The following FNDC11 variants were observed in gnomAD, a reference collection of about 807,000 sequenced individuals.
FNDC11 encodes the protein fibronectin type III domain-containing protein 11.
FNDC11 carries 15 observed loss-of-function variants against 15.8 expected under a neutral mutation model. That is an observed-to-expected ratio of 0.95 (90% CI 0.63 to 1.46). The LOEUF is 1.46. Among genes scored for constraint, FNDC11 ranks in the 40% most tolerant of loss-of-function variants. FNDC11 has a pLI of 0.00. For synonymous variants in FNDC11, 190 were observed against 203.1 expected, an observed-to-expected ratio of 0.94 and a Z score of 0.55; for missense variants, 416 against 443.4, an observed-to-expected ratio of 0.94 and a Z score of 0.55.
upstream of FNDC11, among the ~76,000 whole-genome samples, chr20:63,553,421 G>A (rs1484431381): frequency 6.7e-6 from 1 of 149,614 alleles, no homozygotes; most frequent in African/African-American, 2.5e-5. Context: ...GGAGCCCGCG[G>A]TGGGAGGAGC....
Position 63,556,378 on chromosome 20 carries a change from C to A in FNDC11, c.715C>A (p.Gln239Lys). 1 of 1,612,688 alleles carries A rather than the reference C, an allele frequency of 6.2e-7. No homozygotes were observed. The highest frequency in any genetic ancestry group is 8.5e-7 in the Non-Finnish European group (1 of 1,180,014). Residue 239 changes from glutamine (Q) to lysine (K), a missense_variant, in exon 2 of 2, where the codon CAG (glutamine) becomes AAG (lysine). Coordinates refer to ENST00000370097, the MANE Select transcript of FNDC11 (RefSeq NM_001319152.2). Reference sequence around the variant, plus strand: ...CACCATCCAGCCAGCCACATCGGAGCAGTATGAGTTGCGCTTCAGGCTGCT... The same window carrying A: ...CACCATCCAGCCAGCCACATCGGAGAAGTATGAGTTGCGCTTCAGGCTGCT... The part of the protein sequence containing the change: ...FVTIQPATSE[Q>K]YELRFRLLDP...
Position 63,555,656 on chromosome 20 carries a change from C to T in FNDC11, c.-8C>T. The T allele has an allele frequency of 6.3e-7, 1 of 1,595,958 alleles. No individual in the cohort carries two copies. Among genetic ancestry groups the T allele is most frequent in the Non-Finnish European group, 8.6e-7 (1 of 1,168,484 alleles). ...CTGACACCCAGCCCTCCCCCCAGCTCCCGGATAATGAGCACCCATGTGGCA... is the reference window on the plus strand; with the variant it reads ...CTGACACCCAGCCCTCCCCCCAGCTTCCGGATAATGAGCACCCATGTGGCA... On this transcript the variant is annotated splice_region_variant and 5_prime_UTR_variant, in exon 2 of 2. Coordinates refer to ENST00000370097, the MANE Select transcript of FNDC11 (RefSeq NM_001319152.2).
chr20:63,556,363 C>A lies in FNDC11; in HGVS notation c.700C>A (p.Pro234Thr), dbSNP rs764000041. 13 of 1,612,206 alleles carry A rather than the reference C, an allele frequency of 8.1e-6. No homozygotes were observed. The South Asian group carries it at 1.4e-4, about 18-fold the overall frequency. The change falls in exon 2 of 2, where the codon CCA becomes ACA. Residue 234 changes from proline to threonine, a missense_variant. Transcript: ENST00000370097. Reference sequence around the variant, plus strand: ...GCTGCGCTGGTTCGTCACCATCCAGCCAGCCACATCGGAGCAGTATGAGTT... The same window carrying A: ...GCTGCGCTGGTTCGTCACCATCCAGACAGCCACATCGGAGCAGTATGAGTT... Reference protein sequence around the residue: ...ARLRWFVTIQPATSEQYELRF... With the variant: ...ARLRWFVTIQTATSEQYELRF...
In FNDC11 at chr20:63,556,660, T is replaced by A. The variant is rs766699626; in HGVS notation, c.*40T>A. 9.2e-5 allele frequency: 141 copies of A among 1,536,678 alleles called. 2 individuals carry two copies. Among genetic ancestry groups the A allele is most frequent in the Non-Finnish European group, 8.9e-6 (10 of 1,123,372 alleles). ...ATATTTATCCACTAATAAAGAAGAG[T>A]GTAAATGCACATATGGAATTAAAGA... On this transcript the variant is annotated 3_prime_UTR_variant, in exon 2 of 2. Coordinates refer to ENST00000370097, the MANE Select transcript of FNDC11 (RefSeq NM_001319152.2).
At chr20:63,554,131 C>T (rs896613476), upstream of FNDC11, 3 of 152,356 alleles carry the variant, frequency 2.0e-5, no homozygotes, top group African/African-American at 7.2e-5. Context: ...GGCCGCTGGT[C>T]CCCAGGGCAA....
chr20:63,555,466 G>A (rs2145995106), intron 1 of FNDC11, 188 bp from the exon 2 acceptor site: 1 of 937,342 alleles, frequency 1.1e-6, no homozygotes, highest in Non-Finnish European at 1.5e-6. Flanking sequence ...TTGCCCCTCA[G>A]TATAAACTGT....
At chr20:63,553,817 G>A (rs1487655049), upstream of FNDC11, 1 of 152,386 alleles carries the variant, frequency 6.6e-6, no homozygotes, top group African/African-American at 2.4e-5. Context: ...TCCTCCGAGG[G>A]ATTCCCGAGG....
In FNDC11 at chr20:63,555,690, CCTGGA is replaced by C; in HGVS notation, c.29_33del (p.Leu10GlnfsTer18). 1 of 1,611,196 alleles carries C rather than the reference CCTGGA, an allele frequency of 6.2e-7. No individual in the cohort carries two copies. The highest frequency in any genetic ancestry group is 8.5e-7 in the Non-Finnish European group (1 of 1,179,182). On this transcript the variant is annotated frameshift_variant, in exon 2 of 2. Transcript: ENST00000370097. LOFTEE classifies it high-confidence loss of function. ...TGAGCACCCATGTGGCAGGCCTGGG[CCTGGA>C]CAAGATGAAGCTGGGCAATCCCCAG...
intron 1 of FNDC11, chr20:63,555,453 T>C: frequency 1.3e-6 from 1 of 776,552 alleles, no homozygotes; most frequent in South Asian, 2.1e-5. Flanking sequence ...TCAGTAGAGG[T>C]TTTTGCCCCT....
chr20:63,555,560 G>A, intron 1 of FNDC11, 94 bp from the exon 2 acceptor site: 3 of 1,457,120 alleles, frequency 2.1e-6, no homozygotes, highest in South Asian at 2.9e-5. Flanking sequence ...CAGAGGTCCA[G>A]CATGGGGTCA....
upstream of FNDC11, among the ~76,000 whole-genome samples, chr20:63,553,406 T>G (rs1313644296): frequency 1.5e-5 from 2 of 136,620 alleles, no homozygotes; most frequent in Non-Finnish European, 3.2e-5. Context: ...GGGGCCGTGG[T>G]GGGGGGAGCC....
intron 1 of FNDC11, 135 bp from the exon 2 acceptor site, chr20:63,555,519 C>T: frequency 7.2e-7 from 1 of 1,383,632 alleles, no homozygotes; most frequent in Non-Finnish European, 9.5e-7. Flanking sequence ...CAGGCAGCCT[C>T]TTCCCATCGA....
chr20:63,553,872 A>C (rs2082782578), upstream of FNDC11: 1 of 151,938 alleles, frequency 6.6e-6, no homozygotes, highest in Admixed American at 6.6e-5. Context: ...CCTCCCAGTC[A>C]CCCGAGGCTC....
In FNDC11 at chr20:63,556,479, C is replaced by A. The variant is rs765061849; in HGVS notation, c.816C>A (p.Asn272Lys). 6 of 1,613,566 alleles carry A rather than the reference C, an allele frequency of 3.7e-6. No individual in the cohort carries two copies. The Admixed American group carries it at 8.3e-5, about 22-fold the overall frequency. The change falls in exon 2 of 2, where the codon AAC (asparagine) becomes AAA (lysine). Residue 272 changes from asparagine (N) to lysine (K), a missense_variant. By Grantham distance (94) the Asn-to-Lys change is moderately conservative. Coordinates refer to ENST00000370097, the MANE Select transcript of FNDC11 (RefSeq NM_001319152.2). ...CTGCCTGCACCTTCGACGTCCGAAA[C>A]CTGCTGCCCAACCGATCCTATAAGT... ...PVAACTFDVR[N>K]LLPNRSYKFT...
At chr20:63,555,523 C>A in intron 1 of FNDC11, 131 bp from the exon 2 acceptor site, 1 of 1,393,346 alleles carries the variant, frequency 7.2e-7, no homozygotes, top group Non-Finnish European at 9.5e-7. Flanking sequence ...CAGCCTCTTC[C>A]CATCGAGTTG....
At chr20:63,554,692 G>C (rs1344466967) in intron 1 of FNDC11, 1 of 152,272 alleles carries the variant, frequency 6.6e-6, no homozygotes, top group South Asian at 2.1e-4. Context: ...TCTGCCTCAC[G>C]CCCAAAAGGG....
At chr20:63,553,950 A>ACCC (rs1402155229), upstream of FNDC11, 1 of 151,434 alleles carries the variant, frequency 6.6e-6, no homozygotes, top group Non-Finnish European at 1.5e-5. Context: ...CGGGACGGGA[A>ACCC]CCCCCCTTGG....
Position 63,556,255 on chromosome 20 carries a change from C to A in FNDC11, c.592C>A (p.Pro198Thr). 1 of 1,596,456 alleles carries A rather than the reference C, an allele frequency of 6.3e-7. No homozygotes were observed. The highest frequency in any genetic ancestry group is 8.6e-7 in the Non-Finnish European group (1 of 1,167,730). ...GTCTGATGTCAGTGCCACCAAGATC[C>A]CGCACATCTGGCTCATGCTGAGCAC... ...LVSDVSATKI[P>T]HIWLMLSTKM... is the part of the protein sequence containing the mutation. Residue 198 changes from proline (P) to threonine (T), a missense_variant, in exon 2 of 2, where the codon CCG becomes ACG. Coordinates refer to ENST00000370097, the MANE Select transcript of FNDC11 (RefSeq NM_001319152.2).
Position 63,556,289 on chromosome 20 carries a change from C to A in FNDC11, c.626C>A (p.Pro209His). Residue 209 changes from proline (P) to histidine (H), a missense_variant, in exon 2 of 2, where the codon CCT (proline) becomes CAT (histidine). By Grantham distance (77) the Pro-to-His change is moderately conservative (BLOSUM62 -2). Transcript: ENST00000370097. ...HIWLMLSTKMPVVFDRKASAA... is the reference protein window; with the variant it reads ...HIWLMLSTKMHVVFDRKASAA... ...TGGCTCATGCTGAGCACCAAGATGC[C>A]TGTCGTGTTTGACCGAAAGGCGTCG... 6.2e-7 allele frequency: 1 copy of A among 1,603,028 alleles called. No homozygotes were observed. Among genetic ancestry groups the A allele is most frequent in the South Asian group, 1.1e-5 (1 of 90,756 alleles).
Sources: allele counts gnomAD v4.1 joint callset (sites outside exome capture counted in the v4.1 genomes callset), GRCh38; gene constraint gnomAD v4.1.1; transcripts MANE v1.5; gene names NCBI Gene and HGNC (gene_info 2026-07-23, HGNC 2026-07-21).